The following ERBB4 variants were observed in gnomAD, a reference collection of about 807,000 sequenced individuals.
The protein encoded by ERBB4 is receptor tyrosine-protein kinase erbB-4.
Under a neutral mutation model 158.0 loss-of-function variants are expected in ERBB4, and 42 were observed. The ratio of observed to expected loss-of-function variants is 0.27; its 90% CI spans 0.21 to 0.34. The LOEUF (loss-of-function observed/expected upper bound fraction) is 0.34. ERBB4 is among the 10% of genes least tolerant of loss of function. The pLI is 1.00. For missense variants in ERBB4, 1,333 were observed against 1,624.1 expected, an observed-to-expected ratio of 0.82 and a Z score of 3.08; for synonymous variants, 583 against 558.7, an observed-to-expected ratio of 1.04 and a Z score of -0.61.
rs192142877 is a variant in ERBB4 at position 212,537,895 on chromosome 2, C to T, written c.82+554G>A. ...GCCTGCTGCACTCCGGCTGCCCGGG[C>T]TGGGCGCGAGTTGCGTCTGACGCCA... is the stretch of plus-strand genomic sequence containing the variant. On this transcript the variant is annotated intron_variant, in intron 1 of 27. Transcript: ENST00000342788. Among the ~76,000 whole-genome samples, 152 of 152,282 alleles carry T rather than the reference C, an allele frequency of 1.0e-3. 3 individuals carry two copies. In the East Asian group the frequency reaches 0.024, roughly 24 times the overall value.
intron 2 of ERBB4, among the ~76,000 whole-genome samples, chr2:211,957,054 T>G (rs961611325): frequency 6.6e-6 from 1 of 151,906 alleles, no homozygotes; most frequent in Non-Finnish European, 1.5e-5. Context: ...GGTTTTGAAC[T>G]CCTCGCCTCA....
intron 25 of ERBB4, among the ~76,000 whole-genome samples, chr2:211,389,598 C>A (rs899767313): frequency 6.6e-6 from 1 of 152,126 alleles, no homozygotes; most frequent in Non-Finnish European, 1.5e-5. Flanking sequence ...ACATAACTAA[C>A]AACACCTCAA....
At chr2:211,954,963 C>T (rs1402722) in intron 2 of ERBB4, among the ~76,000 whole-genome samples, 7 of 151,964 alleles carry the variant, frequency 4.6e-5, no homozygotes, top group East Asian at 1.9e-4. Flanking sequence ...TGGAATTCTG[C>T]GTTCATTTTT....
intron 1 of ERBB4, among the ~76,000 whole-genome samples, chr2:212,206,639 T>G (rs570577491): frequency 6.9e-6 from 1 of 145,812 alleles, no homozygotes; most frequent in Non-Finnish European, 1.5e-5. Flanking sequence ...CCAGGCCAAC[T>G]GCAGTGGTGC....
chr2:211,552,013 G>A (rs2067111056), intron 20 of ERBB4, among the ~76,000 whole-genome samples: 1 of 152,152 alleles, frequency 6.6e-6, no homozygotes, highest in Non-Finnish European at 1.5e-5. Context: ...TCCAATCATT[G>A]TGAACCACGT....
chr2:211,578,929 A>G (rs760057361), intron 19 of ERBB4, among the ~76,000 whole-genome samples: 7 of 152,228 alleles, frequency 4.6e-5, no homozygotes, highest in Non-Finnish European at 8.8e-5. Flanking sequence ...AGCAATTGCA[A>G]CAAAAGCAAA....
chr2:211,699,286 G>A (rs115076501), intron 12 of ERBB4, among the ~76,000 whole-genome samples: 7 of 152,072 alleles, frequency 4.6e-5, no homozygotes, highest in Non-Finnish European at 8.8e-5. Flanking sequence ...TATATGTTTA[G>A]GTGTTGTAGT....
intron 20 of ERBB4, among the ~76,000 whole-genome samples, chr2:211,465,382 T>G (rs2064654318): frequency 6.6e-6 from 1 of 150,498 alleles, no homozygotes; most frequent in Admixed American, 6.6e-5. Flanking sequence ...AGACCTAAGT[T>G]TTGGGATGAA....
chr2:211,807,376 G>T (rs2076643623), intron 3 of ERBB4, among the ~76,000 whole-genome samples: 1 of 152,068 alleles, frequency 6.6e-6, no homozygotes, highest in African/African-American at 2.4e-5. Flanking sequence ...TCCCACCTAT[G>T]ATTGAGAACA....
At chr2:211,556,361 C>T (rs1297687157) in intron 20 of ERBB4, among the ~76,000 whole-genome samples, 1 of 152,162 alleles carries the variant, frequency 6.6e-6, no homozygotes, top group African/African-American at 2.4e-5. Context: ...ACCCCACTGA[C>T]ATTATCAGAC....
chr2:212,395,188 G>A (rs1490253370), intron 1 of ERBB4, among the ~76,000 whole-genome samples: 1 of 151,934 alleles, frequency 6.6e-6, no homozygotes, highest in Non-Finnish European at 1.5e-5. Context: ...CTCCTTAATT[G>A]ATATGTTATC....
chr2:211,680,446 T>C (rs986610699), intron 12 of ERBB4, among the ~76,000 whole-genome samples: 7 of 152,216 alleles, frequency 4.6e-5, no homozygotes, highest in Non-Finnish European at 1.0e-4. Context: ...AACATCAAAA[T>C]CAACTTTATC....
intron 1 of ERBB4, among the ~76,000 whole-genome samples, chr2:212,352,357 A>G (rs1284520810): frequency 3.3e-5 from 5 of 152,114 alleles, no homozygotes; most frequent in Non-Finnish European, 7.4e-5. Context: ...TTTAGATTGA[A>G]AAAAACAAAG....
intron 1 of ERBB4, among the ~76,000 whole-genome samples, chr2:212,385,826 T>C (rs1368835022): frequency 6.6e-6 from 1 of 151,982 alleles, no homozygotes; most frequent in Non-Finnish European, 1.5e-5. Context: ...AAACAGAATT[T>C]ATATATTGAA....
At chr2:212,515,309 C>A (rs1280839123) in intron 1 of ERBB4, among the ~76,000 whole-genome samples, 1 of 152,110 alleles carries the variant, frequency 6.6e-6, no homozygotes, top group East Asian at 1.9e-4. Context: ...TTTAAAAATA[C>A]TTAATCCTCA....
chr2:212,287,181 T>C (rs1298666722), intron 1 of ERBB4, among the ~76,000 whole-genome samples: 2 of 152,068 alleles, frequency 1.3e-5, no homozygotes, highest in African/African-American at 2.4e-5. Flanking sequence ...GTGCTACATA[T>C]TGCACCCTTG....
intron 1 of ERBB4, among the ~76,000 whole-genome samples, chr2:212,325,334 T>G (rs151175694): frequency 0.015 from 2,196 of 150,652 alleles, 86 homozygotes; most frequent in African/African-American, 0.049. Context: ...ACTGTTCTAT[T>G]TGATTTGCTT....
At chr2:212,230,880 G>A (rs1277416945) in intron 1 of ERBB4, among the ~76,000 whole-genome samples, 2 of 152,144 alleles carry the variant, frequency 1.3e-5, no homozygotes, top group African/African-American at 4.8e-5. Flanking sequence ...GGGAAATGAT[G>A]TACTTATTAT....
chr2:212,118,904 A>C (rs989635997), intron 2 of ERBB4, among the ~76,000 whole-genome samples: 1 of 152,002 alleles, frequency 6.6e-6, no homozygotes, highest in Non-Finnish European at 1.5e-5. Flanking sequence ...GCTTCAAAAA[A>C]CTATACTTTC....
Sources: gnomAD v4.1 joint callset for allele counts (sites outside exome capture counted in the v4.1 genomes callset) on GRCh38, gnomAD v4.1.1 for gene constraint, MANE v1.5 for transcripts, NCBI Gene and HGNC (gene_info 2026-07-23, HGNC 2026-07-21) for gene names.